SUGCT: variants seen among roughly 807,000 people sequenced by gnomAD.
SUGCT encodes succinyl-CoA:glutarate-CoA transferase.
In SUGCT, 41 loss-of-function variants were observed where a neutral mutation model predicts 55.0. That is an observed-to-expected ratio of 0.74 (90% confidence interval 0.58 to 0.97). The LOEUF is 0.97. SUGCT is among the 50% of genes least tolerant of loss of function. The pLI is 0.00. For missense variants in SUGCT, 568 were observed against 547.8 expected, an observed-to-expected ratio of 1.04 and a Z score of -0.37; for synonymous variants, 187 against 200.4, an observed-to-expected ratio of 0.93 and a Z score of 0.56.
At chr7:40,350,596 G>A (rs996606300) in intron 9 of SUGCT, among the ~76,000 whole-genome samples, 39 of 151,598 alleles carry the variant, frequency 2.6e-4, no homozygotes, top group African/African-American at 8.7e-4. Flanking sequence ...CCCCCAAAAT[G>A]TTGGGATTAG....
chr7:40,187,480 C>A (rs1785589888), intron 3 of SUGCT, among the ~76,000 whole-genome samples: 1 of 151,996 alleles, frequency 6.6e-6, no homozygotes, highest in Non-Finnish European at 1.5e-5. Flanking sequence ...AACATGTCTC[C>A]CAAGCTGCAG....
At chr7:40,870,000 T>C in the SUGCT span, among the ~76,000 whole-genome samples, 1 of 152,186 alleles carries the variant, frequency 6.6e-6, no homozygotes, top group Non-Finnish European at 1.5e-5. Context: ...ATCTTACAAG[T>C]TCCCCTTAAA....
At chr7:40,433,983 G>A (rs1020106942) in intron 9 of SUGCT, among the ~76,000 whole-genome samples, 15 of 152,030 alleles carry the variant, frequency 9.9e-5, no homozygotes, top group African/African-American at 1.9e-4. Flanking sequence ...ACTTTGGGGC[G>A]GGCATATACA....
At chr7:40,168,782 G>A (rs528792570) in intron 1 of SUGCT, among the ~76,000 whole-genome samples, 63 of 152,320 alleles carry the variant, frequency 4.1e-4, no homozygotes, top group African/African-American at 1.2e-3. Flanking sequence ...TTTCTCTTGA[G>A]ATTCCCCATT....
the SUGCT span, among the ~76,000 whole-genome samples, chr7:40,926,044 G>T: frequency 1.3e-5 from 2 of 151,816 alleles, no homozygotes; most frequent in Admixed American, 1.3e-4. Context: ...AGTGAACTAT[G>T]ATCCCATGAT....
At chr7:40,290,819 G>A (rs1221821422) in intron 8 of SUGCT, among the ~76,000 whole-genome samples, 1 of 151,918 alleles carries the variant, frequency 6.6e-6, no homozygotes, top group Non-Finnish European at 1.5e-5. Context: ...GAAAAAAACA[G>A]ACAATCCCAT....
chr7:40,386,085 C>T (rs996919628), intron 9 of SUGCT, among the ~76,000 whole-genome samples: 1 of 152,086 alleles, frequency 6.6e-6, no homozygotes, highest in Non-Finnish European at 1.5e-5. Context: ...GAAGGATGGC[C>T]TGGTTTCGTC....
intron 12 of SUGCT, among the ~76,000 whole-genome samples, chr7:40,507,152 A>T (rs1362835658): frequency 6.6e-6 from 1 of 152,078 alleles, no homozygotes; most frequent in Non-Finnish European, 1.5e-5. Context: ...TTAACTGAAC[A>T]CTTTAGATCT....
chr7:40,958,951 G>C, the SUGCT span, among the ~76,000 whole-genome samples: 2 of 152,198 alleles, frequency 1.3e-5, no homozygotes, highest in East Asian at 3.9e-4. Context: ...GAAGTTTGCT[G>C]GAGGTCCACT....
chr7:40,320,067 C>G (rs1213932138), intron 9 of SUGCT, among the ~76,000 whole-genome samples: 1 of 151,640 alleles, frequency 6.6e-6, no homozygotes, highest in East Asian at 1.9e-4. Flanking sequence ...CACAGAGAAG[C>G]ACTTAGCCTA....
intron 13 of SUGCT, among the ~76,000 whole-genome samples, chr7:40,756,245 A>G (rs574353859): frequency 3.3e-5 from 5 of 152,332 alleles, no homozygotes; most frequent in South Asian, 4.1e-4. Flanking sequence ...CTGTATGCCA[A>G]CTAGGAACTT....
chr7:40,896,896 G>C, the SUGCT span, among the ~76,000 whole-genome samples: 1 of 152,090 alleles, frequency 6.6e-6, no homozygotes, highest in Admixed American at 6.5e-5. Flanking sequence ...TCCTCAAATA[G>C]TCAAAGCAAT....
rs576699790 is a variant in SUGCT at position 40,530,078 on chromosome 7, T to C, written c.1089+33692T>C. Among the ~76,000 whole-genome samples, 9 of 152,348 alleles carry C rather than the reference T, an allele frequency of 5.9e-5. No individual in the cohort carries two copies. The East Asian group carries it at 1.7e-3, about 29-fold the overall frequency. On this transcript the variant is annotated intron_variant, in intron 12 of 13. Transcript: ENST00000335693. ...CTGCATTTTGCTGCTCATGTAGTCA[T>C]CTGCCTGCAGTCTGCCTTTCTGTGT... is the stretch of plus-strand genomic sequence containing the variant.
At chr7:40,190,931 T>G (rs1785864094) in intron 5 of SUGCT, among the ~76,000 whole-genome samples, 1 of 152,142 alleles carries the variant, frequency 6.6e-6, no homozygotes, top group Non-Finnish European at 1.5e-5. Flanking sequence ...TTGAAAAGAA[T>G]CCACCTAGGG....
At chr7:40,533,387 A>G (rs927679829) in intron 12 of SUGCT, among the ~76,000 whole-genome samples, 15 of 152,132 alleles carry the variant, frequency 9.9e-5, no homozygotes, top group African/African-American at 3.6e-4. Context: ...ATATTTTAGA[A>G]TATCAATTAA....
intron 13 of SUGCT, among the ~76,000 whole-genome samples, chr7:40,841,915 C>T (rs1354789754): frequency 6.6e-6 from 1 of 152,148 alleles, no homozygotes; most frequent in Non-Finnish European, 1.5e-5. Context: ...TGACCATACT[C>T]AGATCCACAA....
Position 40,304,726 on chromosome 7 carries a change from A to G in SUGCT, c.721-12034A>G, listed in dbSNP as rs527661730. ...CCTGAGTTACTTCACTTAGAATAATAATAATAATAATAATAATAATAATAA... is the reference window on the plus strand; with the variant it reads ...CCTGAGTTACTTCACTTAGAATAATGATAATAATAATAATAATAATAATAA... On this transcript the variant is annotated intron_variant, in intron 8 of 13. Coordinates refer to ENST00000335693, the MANE Select transcript of SUGCT (RefSeq NM_001193313.2). 7.4e-4 allele frequency among the ~76,000 whole-genome samples: 3 copies of G among 4,040 alleles called. No homozygotes were observed. In the South Asian group the frequency reaches 0.039, roughly 53 times the overall value. 2.7% of individuals were successfully genotyped at this position (4,040 alleles called of 152,430 possible).
chr7:40,780,775 C>CTTTTTTTTTTTTTTTTTTTT (rs34455435), intron 13 of SUGCT, among the ~76,000 whole-genome samples: 1 of 134,812 alleles, frequency 7.4e-6, no homozygotes, highest in Non-Finnish European at 1.6e-5. Flanking sequence ...TCTTCTTCTT[C>CTTTTTTTTTTTTTTTTTTTT]TTTTTTTTTT....
intron 12 of SUGCT, among the ~76,000 whole-genome samples, chr7:40,608,604 G>A (rs1798629086): frequency 6.6e-6 from 1 of 152,172 alleles, no homozygotes; most frequent in Non-Finnish European, 1.5e-5. Context: ...AAGCTCATTA[G>A]AAGTATTTTC....
Sources: allele counts gnomAD v4.1 joint callset (sites outside exome capture counted in the v4.1 genomes callset), GRCh38; gene constraint gnomAD v4.1.1; transcripts MANE v1.5; gene names NCBI Gene and HGNC (gene_info 2026-07-23, HGNC 2026-07-21).